Variants in LRRC57 observed in about 807,000 individuals in gnomAD.
LRRC57 encodes leucine rich repeat containing 57, also known as leucine-rich repeat-containing protein 57.
Under a neutral mutation model 23.1 loss-of-function variants are expected in LRRC57, and 14 were observed. The ratio of observed to expected loss-of-function variants is 0.61; its 90% CI spans 0.40 to 0.95. LRRC57 has a LOEUF of 0.95. Among genes scored for constraint, LRRC57 ranks in the 40% least tolerant of loss-of-function variants. The pLI, the probability that LRRC57 is intolerant of heterozygous loss-of-function variation, is 0.00. For synonymous variants in LRRC57, 106 were observed against 115.2 expected, an observed-to-expected ratio of 0.92 and a Z score of 0.51; for missense variants, 236 against 284.4, an observed-to-expected ratio of 0.83 and a Z score of 1.22.
At chr15:42,535,837 T>C (rs1239273807), downstream of LRRC57, among the ~76,000 whole-genome samples, 1 of 152,218 alleles carries the variant, frequency 6.6e-6, no homozygotes, top group African/African-American at 2.4e-5. Context: ...GGCTAGTTGT[T>C]GGAGCAGTCA....
At position 42,544,087 on chromosome 15, in the gene LRRC57, G is replaced by A. The variant is rs199784203; in HGVS notation, c.716C>T (p.Ala239Val). 6.2e-6 allele frequency: 10 copies of A among 1,612,406 alleles called. No homozygotes were observed. The highest frequency in any genetic ancestry group is 2.7e-5 in the African/African-American group (2 of 74,772). The change falls in exon 6 of 6, where the codon GCG becomes GTG. Residue 239 changes from alanine (A) to valine (V), a missense_variant. By Grantham distance (64) the Ala-to-Val change is moderately conservative. Coordinates refer to ENST00000397130, the MANE Select transcript of LRRC57 (RefSeq NM_153260.3). ...TTTCCATAGTCCTGGAGAACTTCAC[G>A]CAAACTTCTTCTTGGTGGCTGTGAA... ...ERFTATKKKF[A>V]
At chr15:42,529,856 C>T in the LRRC57 span, 2 of 1,603,012 alleles carry the variant, frequency 1.2e-6, no homozygotes, top group Non-Finnish European at 8.5e-7. Flanking sequence ...AATGAGACAC[C>T]CAGTTCAGTG....
chr15:42,529,535 T>A, the LRRC57 span: 12 of 777,612 alleles, frequency 1.5e-5, no homozygotes, highest in Non-Finnish European at 2.4e-5. Flanking sequence ...ATAGAATGTT[T>A]CCCAGGAATG....
rs1283454251 is a variant in LRRC57, at chr15:42,548,522, G to A, written c.-22-66C>T. 6 of 1,330,448 alleles carry A rather than the reference G, an allele frequency of 4.5e-6. No homozygotes were observed. The East Asian group carries it at 1.0e-4, about 22-fold the overall frequency. 82.4% of individuals were successfully genotyped at this position (1,330,448 alleles called of 1,614,324 possible). On this transcript the variant is annotated intron_variant, in intron 1 of 5. Coordinates refer to ENST00000397130, the MANE Select transcript of LRRC57 (RefSeq NM_153260.3). ...GGTCGGCCTCCCGGCTGGGGCTCCT[G>A]CCCCAGCTCTCAACTCCCGCCGATC...
chr15:42,538,470 C>G lies in LRRC57; in HGVS notation c.*5613G>C, dbSNP rs1595536359. On this transcript the variant is annotated 3_prime_UTR_variant, in exon 6 of 6. Transcript: ENST00000397130. ...CCACAATCTCACATTGTTGTCCAGG[C>G]TGGCCTCAAACTCCTAGGTTCAAGG... 3.3e-5 allele frequency: 5 copies of G among 152,122 alleles called. No individual in the cohort carries two copies. In the South Asian group the frequency reaches 1.0e-3, roughly 32 times the overall value. The allele number at this position is 152,122 out of a possible 1,614,324, so 9.4% of individuals were successfully genotyped here. A position where few individuals can be genotyped will look rare whatever the true frequency, so the allele number is the denominator to read the frequency against.
intron 5 of LRRC57, among the ~76,000 whole-genome samples, chr15:42,544,432 G>T (rs921397495): frequency 2.0e-5 from 3 of 152,000 alleles, no homozygotes; most frequent in African/African-American, 7.3e-5. Flanking sequence ...CAGCTAATCA[G>T]GAGGTTGAGA....
Position 42,539,498 on chromosome 15 carries a change from A to AAAAAAAAG in LRRC57, c.*4584_*4585insCTTTTTTT. On this transcript the variant is annotated 3_prime_UTR_variant, in exon 6 of 6. Transcript: ENST00000397130. ...GTCTCAAAAAAAAAAAAAAAAAAAA[A>AAAAAAAAG]GAGACTTAAAAGCCAGGCAGTGGCT... 6.7e-6 allele frequency: 1 copy of AAAAAAAAG among 149,052 alleles called. No homozygotes were observed. The highest frequency in any genetic ancestry group is 2.4e-5 in the African/African-American group (1 of 40,864). The allele number at this position is 149,052 out of a possible 1,614,324, so 9.2% of individuals were successfully genotyped here.
the LRRC57 span, chr15:42,531,270 C>T: frequency 6.1e-6 from 3 of 492,190 alleles, no homozygotes; most frequent in Admixed American, 3.7e-5. Flanking sequence ...TATTCTGTTA[C>T]TTCTTGCCCA....
rs2057612523 is a variant in LRRC57, at chr15:42,538,676, C to T, written c.*5407G>A. 1 of 152,192 alleles carries T rather than the reference C, an allele frequency of 6.6e-6. No homozygotes were observed. Among genetic ancestry groups the T allele is most frequent in the Non-Finnish European group, 1.5e-5 (1 of 68,036 alleles). 9.4% of individuals were successfully genotyped at this position (152,192 alleles called of 1,614,324 possible). A position where few individuals can be genotyped will look rare whatever the true frequency, so the allele number is the denominator to read the frequency against. On this transcript the variant is annotated 3_prime_UTR_variant, in exon 6 of 6. Coordinates refer to ENST00000397130, the MANE Select transcript of LRRC57 (RefSeq NM_153260.3). ...AATGGCATGATTTACTGAGTGCTTA[C>T]TCTGTCATGGCCACTATGCTAAGTG...
At chr15:42,548,269 G>A (rs777354161) in intron 2 of LRRC57, 25 bp from the exon 3 acceptor site, 3 of 1,614,064 alleles carry the variant, frequency 1.9e-6, no homozygotes, top group African/African-American at 2.7e-5. Flanking sequence ...TCACAGCGTG[G>A]GGAATCCCGC....
chr15:42,544,842 C>CAATATA, intron 5 of LRRC57, among the ~76,000 whole-genome samples: 63 of 97,918 alleles, frequency 6.4e-4, no homozygotes, highest in African/African-American at 1.0e-3. Flanking sequence ...CACACACACA[C>CAATATA]TATATATATA....
chr15:42,531,175 T>C, the LRRC57 span, among the ~76,000 whole-genome samples: 1 of 152,236 alleles, frequency 6.6e-6, no homozygotes, highest in Non-Finnish European at 1.5e-5. Flanking sequence ...AAAAATGCGT[T>C]ATAGAATTTA....
Position 42,539,702 on chromosome 15 carries a change from AT to A in LRRC57, c.*4380del, listed in dbSNP as rs2057618517. On this transcript the variant is annotated 3_prime_UTR_variant, in exon 6 of 6. Transcript: ENST00000397130. ...TTTAGACCACAAGCTAGTTTACTTG[AT>A]TAGCTCATATTTAAATCTAAATCTT... The A allele has an allele frequency of 1.3e-5, 2 of 152,172 alleles. No individual in the cohort carries two copies. Among genetic ancestry groups the A allele is most frequent in the African/African-American group, 4.8e-5 (2 of 41,434 alleles). 9.4% of individuals were successfully genotyped at this position (152,172 alleles called of 1,614,324 possible). A position where few individuals can be genotyped will look rare whatever the true frequency, so the allele number is the denominator to read the frequency against.
chr15:42,548,756 T>G lies in LRRC57; in HGVS notation c.-86A>C, dbSNP rs1173833967. The G allele has an allele frequency of 5.7e-5, 42 of 742,780 alleles. No individual in the cohort carries two copies. In the East Asian group the frequency reaches 8.7e-4, roughly 15 times the overall value. The allele number at this position is 742,780 out of a possible 1,614,324, so 46.0% of individuals were successfully genotyped here. A position where few individuals can be genotyped will look rare whatever the true frequency, so the allele number is the denominator to read the frequency against. On this transcript the variant is annotated 5_prime_UTR_variant, in exon 1 of 6. Transcript: ENST00000397130. The stretch of plus-strand genomic sequence containing the variant: ...GACCCAGGACCCGCAGTAGCCGGGA[T>G]GCGCTCCCCGGCTTAGTCCCGGGCG...
chr15:42,545,234 C>G lies in LRRC57; in HGVS notation c.521G>C (p.Cys174Ser). Reference protein sequence around the residue: ...QISQISVKISCCPRLKILRLE... With the variant: ...QISQISVKISSCPRLKILRLE... ...GCGAAGAATTTTAAGGCGTGGACAG[C>G]AAGATATCTTCACTGAGATCTGAGA... Residue 174 changes from cysteine (C) to serine (S), a missense_variant, in exon 5 of 6, where the codon TGC becomes TCC. Cys to Ser is a moderately radical substitution (Grantham distance 112). Coordinates refer to ENST00000397130, the MANE Select transcript of LRRC57 (RefSeq NM_153260.3). 2 of 1,583,576 alleles carry G rather than the reference C, an allele frequency of 1.3e-6. No homozygotes were observed. The highest frequency in any genetic ancestry group is 1.7e-6 in the Non-Finnish European group (2 of 1,169,490).
At chr15:42,537,231 TCTCACA>T (rs1250621668), downstream of LRRC57, among the ~76,000 whole-genome samples, 13 of 132,144 alleles carry the variant, frequency 9.8e-5, no homozygotes, top group Admixed American at 1.5e-4. Context: ...TCTCTCTCTC[TCTCACA>T]CACACACACA....
chr15:42,546,846 G>GA (rs2057660313), intron 4 of LRRC57, among the ~76,000 whole-genome samples: 1 of 152,102 alleles, frequency 6.6e-6, no homozygotes, highest in South Asian at 2.1e-4. Context: ...CACACAAAAC[G>GA]AAAAACAAAA....
At chr15:42,545,370 T>TTTTC (rs928651173) in intron 4 of LRRC57, 108 bp from the exon 5 acceptor site, 8 of 668,114 alleles carry the variant, frequency 1.2e-5, no homozygotes, top group African/African-American at 3.8e-5. Flanking sequence ...TTTGTTCTAG[T>TTTTC]TTTCCCCTCT....
chr15:42,528,541 A>C, the LRRC57 span: 8 of 1,008,396 alleles, frequency 7.9e-6, no homozygotes, highest in African/African-American at 1.6e-5. Flanking sequence ...TCCATTTTTA[A>C]AATGCATTTA....
Sources: gnomAD v4.1 joint callset for allele counts (sites outside exome capture counted in the v4.1 genomes callset) on GRCh38, gnomAD v4.1.1 for gene constraint, MANE v1.5 for transcripts, NCBI Gene and HGNC (gene_info 2026-07-23, HGNC 2026-07-21) for gene names.